Variants in STXBP5L observed in about 807,000 individuals in gnomAD.
STXBP5L encodes syntaxin binding protein 5L.
In STXBP5L, 65 loss-of-function variants were observed where a neutral mutation model predicts 144.5. The observed-to-expected ratio is 0.45, with a 90% confidence interval of 0.37 to 0.55. The LOEUF (loss-of-function observed/expected upper bound fraction) is 0.55. Among genes scored for constraint, STXBP5L ranks in the 20% least tolerant of loss-of-function variants. The pLI is 0.00. For missense variants in STXBP5L, 1,298 were observed against 1,405.5 expected (o/e 0.92, Z 1.22); for synonymous variants, 505 against 469.6 (o/e 1.08, Z -0.97).
chr3:121,172,231 C>T (rs1440320060), intron 9 of STXBP5L, among the ~76,000 whole-genome samples: 2 of 152,126 alleles, frequency 1.3e-5, no homozygotes, highest in African/African-American at 4.8e-5. Flanking sequence ...ACCATAAAAA[C>T]CCTAGAAGAA....
At chr3:121,064,902 C>T (rs1243947147) in intron 5 of STXBP5L, among the ~76,000 whole-genome samples, 3 of 152,090 alleles carry the variant, frequency 2.0e-5, no homozygotes, top group African/African-American at 4.8e-5. Flanking sequence ...TGCCTTCCTC[C>T]GTCTTCTAGA....
intron 3 of STXBP5L, among the ~76,000 whole-genome samples, chr3:121,038,321 T>C (rs115175173): frequency 0.044 from 6,663 of 152,014 alleles, 205 homozygotes; most frequent in Non-Finnish European, 0.065. Flanking sequence ...TCTCACACCT[T>C]TGATATATTT....
chr3:121,097,585 G>T (rs1368999236), intron 5 of STXBP5L, among the ~76,000 whole-genome samples: 1 of 152,092 alleles, frequency 6.6e-6, no homozygotes. Context: ...CCGACTTCTT[G>T]CACTTCCTGG....
At chr3:120,911,697 A>C (rs1033197812) in intron 2 of STXBP5L, among the ~76,000 whole-genome samples, 1 of 152,074 alleles carries the variant, frequency 6.6e-6, no homozygotes, top group African/African-American at 2.4e-5. Context: ...TTCCAAATAA[A>C]TTATAAGATA....
chr3:121,106,303 A>G (rs564156850), intron 5 of STXBP5L, among the ~76,000 whole-genome samples: 4 of 152,344 alleles, frequency 2.6e-5, no homozygotes, highest in Non-Finnish European at 2.9e-5. Flanking sequence ...GTTTGTTAAC[A>G]TATGTAAACA....
intron 3 of STXBP5L, among the ~76,000 whole-genome samples, chr3:121,037,473 C>T (rs185570237): frequency 4.6e-5 from 7 of 152,100 alleles, no homozygotes; most frequent in Admixed American, 4.6e-4. Context: ...CCAGGCTGGT[C>T]TTGAAATCCT....
intron 11 of STXBP5L, among the ~76,000 whole-genome samples, chr3:121,229,148 G>A (rs886928597): frequency 4.6e-5 from 7 of 152,062 alleles, no homozygotes; most frequent in African/African-American, 1.4e-4. Flanking sequence ...TTCTTCTTAA[G>A]TAACCAGTTA....
intron 5 of STXBP5L, among the ~76,000 whole-genome samples, chr3:121,054,418 G>T (rs1003645575): frequency 1.3e-5 from 2 of 151,934 alleles, no homozygotes; most frequent in African/African-American, 4.8e-5. Flanking sequence ...GCCATAAAAA[G>T]GATGAGTTCA....
At chr3:121,196,565 C>G (rs2047928263) in intron 9 of STXBP5L, among the ~76,000 whole-genome samples, 1 of 151,904 alleles carries the variant, frequency 6.6e-6, no homozygotes, top group Admixed American at 6.6e-5. Flanking sequence ...GTGCTATAAT[C>G]TTTATTTCCT....
At chr3:120,959,650 G>T (rs1474286873) in intron 3 of STXBP5L, among the ~76,000 whole-genome samples, 3 of 152,214 alleles carry the variant, frequency 2.0e-5, no homozygotes, top group Non-Finnish European at 4.4e-5. Flanking sequence ...AAGAAAGGGG[G>T]AAAGGATTCC....
intron 16 of STXBP5L, 32 bp from the exon 17 acceptor site, chr3:121,257,129 C>T (rs1296138180): frequency 6.6e-7 from 1 of 1,505,386 alleles, no homozygotes; most frequent in Non-Finnish European, 9.1e-7. Flanking sequence ...ATTAGTGTGA[C>T]TTAAATTAAA....
intron 5 of STXBP5L, among the ~76,000 whole-genome samples, chr3:121,112,612 G>T (rs983588653): frequency 6.6e-6 from 1 of 151,790 alleles, no homozygotes; most frequent in East Asian, 1.9e-4. Context: ...AATCATCTTG[G>T]TCCCTCCCGG....
chr3:121,128,724 G>T (rs769384154), intron 7 of STXBP5L, among the ~76,000 whole-genome samples: 9 of 152,022 alleles, frequency 5.9e-5, no homozygotes, highest in Non-Finnish European at 1.0e-4. Context: ...AGCAAAATAA[G>T]GTGGGAAGCT....
chr3:121,383,073 G>C (rs2046354013), intron 22 of STXBP5L, among the ~76,000 whole-genome samples: 1 of 151,962 alleles, frequency 6.6e-6, no homozygotes, highest in Non-Finnish European at 1.5e-5. Context: ...CTTGAGGCCA[G>C]GAATCCAAGG....
At chr3:121,410,811 T>C (rs991479318) in intron 23 of STXBP5L, among the ~76,000 whole-genome samples, 1 of 152,114 alleles carries the variant, frequency 6.6e-6, no homozygotes, top group Non-Finnish European at 1.5e-5. Flanking sequence ...AGTCTTTTTT[T>C]CTTCTGTTAT....
chr3:121,247,488 T>G (rs751674856), intron 14 of STXBP5L, among the ~76,000 whole-genome samples: 7 of 152,190 alleles, frequency 4.6e-5, no homozygotes, highest in African/African-American at 1.7e-4. Context: ...CCCACTCTAG[T>G]AGACTGCAGT....
intron 5 of STXBP5L, among the ~76,000 whole-genome samples, chr3:121,088,350 A>G (rs1397327658): frequency 1.7e-5 from 2 of 115,014 alleles, no homozygotes; most frequent in African/African-American, 6.8e-5. Context: ...AATGCTCATC[A>G]TCACTGGCCA....
intron 19 of STXBP5L, 80 bp downstream of exon 19, chr3:121,280,036 CTG>C (rs2051007430): frequency 6.7e-7 from 1 of 1,486,640 alleles, no homozygotes; most frequent in Non-Finnish European, 9.1e-7. Flanking sequence ...TCTTTCTTCT[CTG>C]ATACTATTCA....
intron 3 of STXBP5L, among the ~76,000 whole-genome samples, chr3:120,974,371 C>T (rs573166476): frequency 6.6e-6 from 1 of 151,796 alleles, no homozygotes; most frequent in Admixed American, 6.6e-5. Flanking sequence ...TGTCCTTCGC[C>T]CACTTTTTGA....
Sources: allele counts gnomAD v4.1 joint callset (sites outside exome capture counted in the v4.1 genomes callset), GRCh38; gene constraint gnomAD v4.1.1; transcripts MANE v1.5; gene names NCBI Gene and HGNC (gene_info 2026-07-23, HGNC 2026-07-21).